TTPAL: variants seen among roughly 807,000 people sequenced by gnomAD.
TTPAL encodes the protein alpha tocopherol transfer protein like.
A neutral mutation model predicts 28.7 loss-of-function variants in TTPAL; 21 were observed. That is an observed-to-expected ratio of 0.73 (90% CI 0.52 to 1.06). The LOEUF is 1.06. Ranked by LOEUF, TTPAL falls within the 50% of genes least tolerant of loss-of-function variation. The pLI is 0.00. For missense variants in TTPAL, 345 were observed against 425.5 expected (o/e 0.81, Z 1.67); for synonymous variants, 169 against 171.9 (o/e 0.98, Z 0.13).
In TTPAL at chr20:44,480,128, C is replaced by T. The variant is rs752331487; in HGVS notation, c.129C>T (p.Ala43=). Residue 43 remains alanine, a synonymous_variant, in exon 2 of 5, where the codon GCC becomes GCT. Transcript: ENST00000262605. This position sits in a 1 kb window ranked among gnomAD's most constrained non-coding sequence, Gnocchi z 4.1. ...TGACAGAAGACCTGGTCACCAAAGCCCGGGAAGAGCTGCAGGAAAAGCCGG... is the reference window on the plus strand; with the variant it reads ...TGACAGAAGACCTGGTCACCAAAGCTCGGGAAGAGCTGCAGGAAAAGCCGG... The part of the protein sequence containing the change: ...CSLTEDLVTK[A]REELQEKPEW... 9.9e-6 allele frequency: 16 copies of T among 1,614,062 alleles called. No individual in the cohort carries two copies. The South Asian group carries it at 1.3e-4, about 13-fold the overall frequency.
At position 44,491,546 on chromosome 20, in the gene TTPAL, T is replaced by C. The variant is rs998123641; in HGVS notation, c.*2005T>C. 6.6e-6 allele frequency: 1 copy of C among 152,362 alleles called. No individual in the cohort carries two copies. Among genetic ancestry groups the C allele is most frequent in the South Asian group, 2.1e-4 (1 of 4,836 alleles). The allele number at this position is 152,362 out of a possible 1,614,324, so 9.4% of individuals were successfully genotyped here. On this transcript the variant is annotated 3_prime_UTR_variant, in exon 5 of 5. Coordinates refer to ENST00000262605, the MANE Select transcript of TTPAL (RefSeq NM_001039199.3). ...GATAAGTTGTTGGTGGAAATTAAGT[T>C]ACTTAACCTCATTAATACCAATTCT...
chr20:44,477,015 G>A (rs527983504), intron 1 of TTPAL, among the ~76,000 whole-genome samples: 1 of 152,350 alleles, frequency 6.6e-6, no homozygotes, highest in Non-Finnish European at 1.5e-5. Flanking sequence ...TGGTGACATG[G>A]CAGCTGAGCC....
intron 4 of TTPAL, among the ~76,000 whole-genome samples, chr20:44,488,038 G>A (rs764926233): frequency 2.6e-5 from 4 of 152,204 alleles, no homozygotes; most frequent in Non-Finnish European, 5.9e-5. Context: ...GAAAGTGCTG[G>A]GATTACAGGC....
Position 44,484,436 on chromosome 20 carries a change from G to C in TTPAL, c.545G>C (p.Gly182Ala). 1 of 1,607,664 alleles carries C rather than the reference G, an allele frequency of 6.2e-7. No individual in the cohort carries two copies. The highest frequency in any genetic ancestry group is 8.5e-7 in the Non-Finnish European group (1 of 1,174,512). Residue 182 changes from glycine (G) to alanine (A), a missense_variant, in exon 3 of 5, where the codon GGA becomes GCA. Gly to Ala is a moderately conservative substitution (Grantham distance 60). Transcript: ENST00000262605. ...CAGTCTGAAGAAACCCAGGTGAATG[G>C]AATTGTAATTCTTGCAGACTACAAA... ...LIQSEETQVN[G>A]IVILADYKGV...
chr20:44,486,936 A>C (rs2122901607), intron 4 of TTPAL, among the ~76,000 whole-genome samples: 1 of 152,298 alleles, frequency 6.6e-6, no homozygotes, highest in East Asian at 1.9e-4. Flanking sequence ...TTATCATAAG[A>C]GCCTCCCTGG....
chr20:44,478,283 T>C (rs2064064822), intron 1 of TTPAL, among the ~76,000 whole-genome samples: 1 of 152,244 alleles, frequency 6.6e-6, no homozygotes, highest in South Asian at 2.1e-4. Flanking sequence ...GATCAGCTCC[T>C]GTGAAGGAGG....
chr20:44,476,381 A>G (rs987512810), intron 1 of TTPAL, among the ~76,000 whole-genome samples: 1 of 152,212 alleles, frequency 6.6e-6, no homozygotes. Flanking sequence ...GGCACTGCTG[A>G]GTCCCTGGAG....
At chr20:44,483,988 C>T (rs527658493) in intron 2 of TTPAL, among the ~76,000 whole-genome samples, 3 of 152,188 alleles carry the variant, frequency 2.0e-5, no homozygotes, top group South Asian at 2.1e-4. Flanking sequence ...CATGGGGTTT[C>T]GCCATGTTGC....
At chr20:44,482,572 C>CAAAAAAAAAAAAAAA (rs535832796) in intron 2 of TTPAL, among the ~76,000 whole-genome samples, 1 of 60,806 alleles carries the variant, frequency 1.6e-5, no homozygotes, top group African/African-American at 6.1e-5. Flanking sequence ...GACTCTGTCT[C>CAAAAAAAAAAAAAAA]AAAAAAAAAA....
chr20:44,488,058 C>T (rs1195022489), intron 4 of TTPAL, among the ~76,000 whole-genome samples: 2 of 152,142 alleles, frequency 1.3e-5, no homozygotes, highest in African/African-American at 2.4e-5. Flanking sequence ...CGTGAGCCAC[C>T]GCACTGGGCC....
chr20:44,476,493 C>A (rs1431791766), intron 1 of TTPAL, among the ~76,000 whole-genome samples: 2 of 152,206 alleles, frequency 1.3e-5, no homozygotes, highest in African/African-American at 2.4e-5. Flanking sequence ...TTGGGCGAAT[C>A]GCTTAACCTA....
chr20:44,476,225 TGGAAA>T (rs1187318039), intron 1 of TTPAL, among the ~76,000 whole-genome samples: 4 of 150,178 alleles, frequency 2.7e-5, no homozygotes, highest in Admixed American at 6.6e-5. Context: ...GAGGAAGGGG[TGGAAA>T]GGAAAGTGAT....
Position 44,484,379 on chromosome 20 carries a change from G to C in TTPAL, c.488G>C (p.Arg163Pro). ...PSNYPITENI[R>P]AIYLTLEKLI... ...AACTATCCAATTACTGAAAACATCC[G>C]AGCCATATACTTGACCTTAGAAAAA... The change falls in exon 3 of 5, where the codon CGA (arginine) becomes CCA (proline). Residue 163 changes from arginine (R) to proline (P), a missense_variant. Transcript: ENST00000262605. 1 of 1,593,290 alleles carries C rather than the reference G, an allele frequency of 6.3e-7. No individual in the cohort carries two copies. The highest frequency in any genetic ancestry group is 8.6e-7 in the Non-Finnish European group (1 of 1,163,524).
chr20:44,487,854 T>C (rs1368766056), intron 4 of TTPAL, among the ~76,000 whole-genome samples: 1 of 152,178 alleles, frequency 6.6e-6, no homozygotes, highest in Admixed American at 6.5e-5. Context: ...CTGCAACCCC[T>C]ACCTCCCGGG....
chr20:44,482,700 G>A (rs903953576), intron 2 of TTPAL, among the ~76,000 whole-genome samples: 3 of 151,900 alleles, frequency 2.0e-5, no homozygotes, highest in Non-Finnish European at 4.4e-5. Context: ...GTGGTTAACA[G>A]TAAAAAGTGG....
At position 44,489,566 on chromosome 20, in the gene TTPAL, T is replaced by C. The variant is rs1331797106; in HGVS notation, c.*25T>C. ...GCCCGTCCCCCAGGGTCACCATCTT[T>C]AATTCTTTTCCTTCTTTTCTTTGGA... On this transcript the variant is annotated 3_prime_UTR_variant, in exon 5 of 5. Coordinates refer to ENST00000262605, the MANE Select transcript of TTPAL (RefSeq NM_001039199.3). 6.3e-7 allele frequency: 1 copy of C among 1,599,134 alleles called. No homozygotes were observed. The highest frequency in any genetic ancestry group is 8.5e-7 in the Non-Finnish European group (1 of 1,171,212).
chr20:44,493,145 ATGG>A lies in TTPAL; in HGVS notation c.*3611_*3613del, dbSNP rs2064223379. ...TAAAAATACAAAAAATTGGCTGGGC[ATGG>A]TGGTGGGTGCCTGTAATCCCAGCTA... On this transcript the variant is annotated 3_prime_UTR_variant, in exon 5 of 5. Transcript: ENST00000262605. 1 of 152,130 alleles carries A rather than the reference ATGG, an allele frequency of 6.6e-6. No individual in the cohort carries two copies. Among genetic ancestry groups the A allele is most frequent in the Non-Finnish European group, 1.5e-5 (1 of 68,034 alleles). The allele number at this position is 152,130 out of a possible 1,614,324, so 9.4% of individuals were successfully genotyped here.
At chr20:44,478,859 G>A (rs188828014) in intron 1 of TTPAL, among the ~76,000 whole-genome samples, 31 of 152,210 alleles carry the variant, frequency 2.0e-4, no homozygotes, top group Admixed American at 5.9e-4. Context: ...TCATGATCTC[G>A]GCTCACTGCA....
At chr20:44,486,784 A>T in intron 4 of TTPAL, 78 bp downstream of exon 4, 1 of 830,124 alleles carries the variant, frequency 1.2e-6, no homozygotes. Context: ...CTTGTTTATT[A>T]TTTTTGCCCT....
Sources: allele counts gnomAD v4.1 joint callset (sites outside exome capture counted in the v4.1 genomes callset), GRCh38; gene constraint gnomAD v4.1.1; non-coding constraint Gnocchi (gnomAD v3.1); transcripts MANE v1.5; gene names NCBI Gene and HGNC (gene_info 2026-07-23, HGNC 2026-07-21).